The following ROR1 variants were observed in gnomAD, a reference collection of about 807,000 sequenced individuals.
ROR1 encodes ROR family WNT receptor 1.
Under a neutral mutation model 78.8 loss-of-function variants are expected in ROR1, and 19 were observed. That is an observed-to-expected ratio of 0.24 (90% CI 0.17 to 0.35). ROR1 has a LOEUF of 0.35. ROR1 is among the 10% of genes least tolerant of loss of function. ROR1 has a pLI of 1.00. For synonymous variants in ROR1, 386 were observed against 433.6 expected (o/e 0.89, Z 1.36); for missense variants, 917 against 1,177.8 (o/e 0.78, Z 3.24).
chr1:63,945,406 TTC>T (rs1368853408), intron 1 of ROR1, among the ~76,000 whole-genome samples: 1 of 152,236 alleles, frequency 6.6e-6, no homozygotes, highest in Non-Finnish European at 1.5e-5. Context: ...TCCATTTCAT[TTC>T]TTTCATTTTA....
intron 1 of ROR1, among the ~76,000 whole-genome samples, chr1:63,863,401 GC>G (rs1291642040): frequency 1.3e-5 from 2 of 152,068 alleles, no homozygotes; most frequent in Non-Finnish European, 2.9e-5. Context: ...TCTGGTGCTG[GC>G]CCTTACACAC....
chr1:64,009,230 T>C, intron 1 of ROR1, 75 bp from the exon 2 acceptor site: 1 of 1,123,630 alleles, frequency 8.9e-7, no homozygotes, highest in Non-Finnish European at 1.4e-6. Flanking sequence ...TCTCCTCTAA[T>C]GCTTCTAACA....
At chr1:64,172,392 C>T (rs971633654) in intron 8 of ROR1, among the ~76,000 whole-genome samples, 4 of 152,140 alleles carry the variant, frequency 2.6e-5, no homozygotes, top group Non-Finnish European at 4.4e-5. Flanking sequence ...TCTGCATCAA[C>T]TTTTATTTCA....
At chr1:64,015,009 T>C (rs553869422) in intron 2 of ROR1, among the ~76,000 whole-genome samples, 1 of 151,664 alleles carries the variant, frequency 6.6e-6, no homozygotes, top group Admixed American at 6.6e-5. Flanking sequence ...TTAATGGACT[T>C]ACATTCCCAC....
At chr1:64,173,896 A>G (rs1650309020) in intron 8 of ROR1, among the ~76,000 whole-genome samples, 1 of 151,918 alleles carries the variant, frequency 6.6e-6, no homozygotes, top group African/African-American at 2.4e-5. Context: ...CTTCATTCAC[A>G]TCTCAGAGGA....
At chr1:64,094,738 T>G (rs1404289561) in intron 4 of ROR1, 1 of 152,290 alleles carries the variant, frequency 6.6e-6, no homozygotes, top group Non-Finnish European at 1.5e-5. Context: ...TATAAGCATG[T>G]GCCACCATGC....
At chr1:63,883,637 G>A (rs1290005021) in intron 1 of ROR1, among the ~76,000 whole-genome samples, 2 of 152,156 alleles carry the variant, frequency 1.3e-5, no homozygotes, top group Non-Finnish European at 2.9e-5. Context: ...AAAACACAGG[G>A]AATCCTTTGG....
rs113269723 is a variant in ROR1, at chr1:64,050,780, A to G, written c.482+64A>G. 1,124 of 1,515,486 alleles carry G rather than the reference A, an allele frequency of 7.4e-4. 8 individuals carry two copies. In the African/African-American group the frequency reaches 0.013, roughly 18 times the overall value. 93.9% of individuals were successfully genotyped at this position (1,515,486 alleles called of 1,614,324 possible). ...TTTCTCCGTGGTTTTCTAGGGCAAA[A>G]GCAATGTTGTCCTCTTCTTAAGCCA... On this transcript the variant is annotated intron_variant, in intron 4 of 8. Coordinates refer to ENST00000371079, the MANE Select transcript of ROR1 (RefSeq NM_005012.4).
intron 8 of ROR1, among the ~76,000 whole-genome samples, chr1:64,163,222 A>AACACACACACACACACACACAC (rs57880828): frequency 1.7e-4 from 24 of 137,760 alleles, no homozygotes; most frequent in African/African-American, 6.6e-4. Flanking sequence ...CATCTCTACA[A>AACACACACACACACACACACAC]ACACACACAC....
At chr1:63,794,260 C>T (rs770804963) in intron 1 of ROR1, among the ~76,000 whole-genome samples, 25 of 152,222 alleles carry the variant, frequency 1.6e-4, no homozygotes, top group Non-Finnish European at 3.4e-4. Context: ...ATATCTACCT[C>T]ATTACCTTTT....
At chr1:63,837,881 G>C (rs1645027904) in intron 1 of ROR1, among the ~76,000 whole-genome samples, 1 of 152,182 alleles carries the variant, frequency 6.6e-6, no homozygotes. Context: ...TGTCACATTT[G>C]TATGGTAGCT....
intron 8 of ROR1, among the ~76,000 whole-genome samples, chr1:64,176,493 G>C (rs1329517108): frequency 1.8e-5 from 1 of 56,324 alleles, no homozygotes; most frequent in African/African-American, 7.7e-5. Flanking sequence ...TGAAGGAATT[G>C]AGGCAAAAGT....
intron 1 of ROR1, among the ~76,000 whole-genome samples, chr1:63,867,779 T>C (rs1645225814): frequency 6.6e-6 from 1 of 152,212 alleles, no homozygotes; most frequent in Admixed American, 6.5e-5. Flanking sequence ...AAAAAATAAA[T>C]CTAGGATAAG....
chr1:64,102,321 C>T (rs905206003), intron 4 of ROR1, among the ~76,000 whole-genome samples: 1 of 152,182 alleles, frequency 6.6e-6, no homozygotes, highest in Non-Finnish European at 1.5e-5. Context: ...AATCTATTGC[C>T]TCTATCCCTG....
chr1:63,973,378 C>T (rs373366863), intron 1 of ROR1, among the ~76,000 whole-genome samples: 1 of 152,164 alleles, frequency 6.6e-6, no homozygotes, highest in East Asian at 1.9e-4. Flanking sequence ...CACGATAATG[C>T]GATGCCTGCA....
At chr1:63,973,572 T>G (rs1646135235) in intron 1 of ROR1, among the ~76,000 whole-genome samples, 2 of 152,176 alleles carry the variant, frequency 1.3e-5, no homozygotes, top group Non-Finnish European at 2.9e-5. Flanking sequence ...GAGATAGTTG[T>G]GCTAAGTGAC....
intron 2 of ROR1, among the ~76,000 whole-genome samples, chr1:64,033,206 C>T (rs2100571925): frequency 6.6e-6 from 1 of 152,290 alleles, no homozygotes; most frequent in Admixed American, 6.5e-5. Flanking sequence ...GCACATGCAT[C>T]CCCAGAAACA....
chr1:64,137,064 T>C (rs1252475058), intron 4 of ROR1, among the ~76,000 whole-genome samples: 1 of 152,168 alleles, frequency 6.6e-6, no homozygotes. Context: ...ACTCATTTCC[T>C]CTTTACTCCT....
chr1:64,052,881 C>G (rs1646844468), intron 4 of ROR1, among the ~76,000 whole-genome samples: 1 of 151,712 alleles, frequency 6.6e-6, no homozygotes, highest in South Asian at 2.1e-4. Context: ...GCATCCTGCT[C>G]TTTATCTCTT....
Sources: gnomAD v4.1 joint callset for allele counts (sites outside exome capture counted in the v4.1 genomes callset) on GRCh38, gnomAD v4.1.1 for gene constraint, MANE v1.5 for transcripts, NCBI Gene and HGNC (gene_info 2026-07-23, HGNC 2026-07-21) for gene names.